Variants in ARHGEF7 observed in about 807,000 individuals in gnomAD.
The protein encoded by ARHGEF7 is Rho guanine nucleotide exchange factor 7, also known as PAK-interacting exchange factor beta.
ARHGEF7 carries 33 observed loss-of-function variants against 109.8 expected under a neutral mutation model. That is an observed-to-expected ratio of 0.30 (90% CI 0.23 to 0.40). The LOEUF is 0.40. Ranked by LOEUF, ARHGEF7 falls within the 10% of genes least tolerant of loss-of-function variation. The probability of loss-of-function intolerance (pLI) is 1.00; values close to 1 mark genes in which losing one functional copy is unlikely to be tolerated. For synonymous variants in ARHGEF7, 458 were observed against 424.6 expected, an observed-to-expected ratio of 1.08 and a Z score of -0.97; for missense variants, 938 against 1,098.5, an observed-to-expected ratio of 0.85 and a Z score of 2.07.
Position 111,115,615 on chromosome 13 carries a change from T to C in ARHGEF7, c.89T>C (p.Phe30Ser). 1 of 1,408,394 alleles carries C rather than the reference T, an allele frequency of 7.1e-7. No individual in the cohort carries two copies. The highest frequency in any genetic ancestry group is 2.2e-5 in the Admixed American group (1 of 44,874). 87.2% of individuals were successfully genotyped at this position (1,408,394 alleles called of 1,614,324 possible). ...PKKTISDPEG[F>S]LQASLKDGVV... ...AAAACCATCTCGGACCCGGAGGGCTTTCTGCAGGCGTCGCTGAAGGATGGG... is the reference window on the plus strand; with the variant it reads ...AAAACCATCTCGGACCCGGAGGGCTCTCTGCAGGCGTCGCTGAAGGATGGG... The change falls in exon 1 of 22, where the codon TTT (phenylalanine) becomes TCT (serine). Residue 30 changes from phenylalanine to serine, a missense_variant. Physicochemically the swap from Phe to Ser is radical, Grantham distance 155. Coordinates refer to ENST00000646102, the MANE Select transcript of ARHGEF7 (RefSeq NM_001354046.2).
rs948653971 is a variant in ARHGEF7, at chr13:111,244,087, A to T, written c.855-112A>T. 7.5e-6 allele frequency: 9 copies of T among 1,200,290 alleles called. No individual in the cohort carries two copies. In the Admixed American group the frequency reaches 9.0e-5, roughly 12 times the overall value. 74.4% of individuals were successfully genotyped at this position (1,200,290 alleles called of 1,614,324 possible). A position where few individuals can be genotyped will look rare whatever the true frequency, so the allele number is the denominator to read the frequency against. Reference sequence around the variant, plus strand: ...AAAATTTAGTGTACCAGTTTGCCTTAGACATCAGCTGTTTATTAGGTTAAG... The same window carrying T: ...AAAATTTAGTGTACCAGTTTGCCTTTGACATCAGCTGTTTATTAGGTTAAG... On this transcript the variant is annotated intron_variant, in intron 7 of 21. Transcript: ENST00000646102.
At position 111,240,690 on chromosome 13, in the gene ARHGEF7, T is replaced by C. The variant is rs111307703; in HGVS notation, c.760-3182T>C. ...ATTAAATGATGATCTTGTTTCTCTG[T>C]AGCAGTGGACAGGGAAGGGCTGATT... On this transcript the variant is annotated intron_variant, in intron 6 of 21. Coordinates refer to ENST00000646102, the MANE Select transcript of ARHGEF7 (RefSeq NM_001354046.2). 4.6e-3 allele frequency among the ~76,000 whole-genome samples: 702 copies of C among 152,366 alleles called. 6 individuals carry two copies. Among genetic ancestry groups the C allele is most frequent in the African/African-American group, 0.016 (661 of 41,572 alleles).
intron 2 of ARHGEF7, among the ~76,000 whole-genome samples, chr13:111,201,805 C>T (rs1300209052): frequency 1.3e-5 from 2 of 152,150 alleles, no homozygotes; most frequent in Admixed American, 6.5e-5. Context: ...TCCAGCACCG[C>T]CGTGTCCTTC....
At chr13:111,261,764 T>C (rs1246048340) in intron 8 of ARHGEF7, among the ~76,000 whole-genome samples, 1 of 152,320 alleles carries the variant, frequency 6.6e-6, no homozygotes, top group East Asian at 1.9e-4. Context: ...TATAATTTTA[T>C]CAAGATTCTT....
At chr13:111,219,486 CT>C (rs1001385174) in intron 5 of ARHGEF7, among the ~76,000 whole-genome samples, 2 of 152,148 alleles carry the variant, frequency 1.3e-5, no homozygotes, top group African/African-American at 4.8e-5. Context: ...CTTTTCAGTT[CT>C]TTTCTGTATA....
chr13:111,209,879 G>T lies in ARHGEF7; in HGVS notation c.345G>T (p.Gly115=). The change falls in exon 4 of 22, where the codon GGG becomes GGT. Residue 115 remains glycine (G), a synonymous_variant. Transcript: ENST00000646102. ...VTLNKVTADI[G]LGSDSVCARP... ...TGTGCATGCTCTTTGCAGACATCGG[G>T]CTGGGGAGTGACTCCGTGTGTGCCC... is the stretch of plus-strand genomic sequence containing the variant. The T allele has an allele frequency of 6.2e-7, 1 of 1,614,128 alleles. No homozygotes were observed. The highest frequency in any genetic ancestry group is 1.7e-4 in the Middle Eastern group (1 of 6,060).
intron 9 of ARHGEF7, among the ~76,000 whole-genome samples, chr13:111,268,561 T>TGTTGA (rs1290024035): frequency 6.6e-6 from 1 of 152,038 alleles, no homozygotes; most frequent in Non-Finnish European, 1.5e-5. Flanking sequence ...AGTGAACAGG[T>TGTTGA]GTTGGTTGCC....
rs142493344 is a variant in ARHGEF7, at chr13:111,257,834, C to T, written c.951-9714C>T. 5.4e-4 allele frequency among the ~76,000 whole-genome samples: 83 copies of T among 152,334 alleles called. 1 individual carries two copies. Among genetic ancestry groups the T allele is most frequent in the African/African-American group, 2.0e-3 (82 of 41,576 alleles). ...ATTGGAACTCAGTGCTGCCCTGTCA[C>T]AGTGGAAAGCAACATTGGGCACAGA... On this transcript the variant is annotated intron_variant, in intron 8 of 21. Coordinates refer to ENST00000646102, the MANE Select transcript of ARHGEF7 (RefSeq NM_001354046.2).
intron 2 of ARHGEF7, among the ~76,000 whole-genome samples, chr13:111,169,217 A>G (rs1457426976): frequency 1.3e-5 from 2 of 152,222 alleles, no homozygotes; most frequent in Non-Finnish European, 2.9e-5. Context: ...AGAGAATTGC[A>G]GAGGTCGTTA....
In ARHGEF7 at chr13:111,300,974, G is replaced by A. The variant is rs890577687; in HGVS notation, c.2411+127G>A. On this transcript the variant is annotated intron_variant, in intron 20 of 21. Coordinates refer to ENST00000646102, the MANE Select transcript of ARHGEF7 (RefSeq NM_001354046.2). ...TCACTTTTTTTTTTTTTGAGACGGA[G>A]TGTCACTCTTGTCACCCAGGCTGGA... 5.6e-6 allele frequency: 3 copies of A among 536,726 alleles called. No individual in the cohort carries two copies. In the South Asian group the frequency reaches 8.1e-5, roughly 15 times the overall value. The allele number at this position is 536,726 out of a possible 1,614,324, so 33.2% of individuals were successfully genotyped here.
chr13:111,215,218 G>T (rs1350954656), intron 4 of ARHGEF7, among the ~76,000 whole-genome samples: 1 of 152,150 alleles, frequency 6.6e-6, no homozygotes, highest in Non-Finnish European at 1.5e-5. Context: ...CTGAGTGCTG[G>T]TTCTTAAGGA....
In ARHGEF7 at chr13:111,303,101, G is replaced by A. The variant is rs145326311; in HGVS notation, c.2577G>A (p.Glu859=). 32 of 1,607,844 alleles carry A rather than the reference G, an allele frequency of 2.0e-5. No homozygotes were observed. The African/African-American group carries it at 3.7e-4, about 19-fold the overall frequency. Residue 859 remains glutamate, a synonymous_variant, in exon 22 of 22, where the codon GAG becomes GAA. Transcript: ENST00000646102. ...ACATGAATGATCCTGCCTGGGATGAGACCAATCTATAAGGGATGTCCTCAG... is the reference window on the plus strand; with the variant it reads ...ACATGAATGATCCTGCCTGGGATGAAACCAATCTATAAGGGATGTCCTCAG... ...LKNMNDPAWD[E]TNL is the part of the protein sequence containing the mutation.
At chr13:111,227,966 A>G (rs2085443045) in intron 5 of ARHGEF7, among the ~76,000 whole-genome samples, 1 of 152,234 alleles carries the variant, frequency 6.6e-6, no homozygotes, top group Non-Finnish European at 1.5e-5. Context: ...CTAAAGCCAC[A>G]CCCAGCATCC....
chr13:111,118,061 G>A (rs1423194007), intron 1 of ARHGEF7, among the ~76,000 whole-genome samples: 1 of 152,270 alleles, frequency 6.6e-6, no homozygotes, highest in Non-Finnish European at 1.5e-5. Context: ...GGAGTGCCCT[G>A]ACAGCCAGTG....
chr13:111,264,831 C>A (rs943689040), intron 8 of ARHGEF7, among the ~76,000 whole-genome samples: 1 of 152,198 alleles, frequency 6.6e-6, no homozygotes, highest in Non-Finnish European at 1.5e-5. Flanking sequence ...CTATATTTTA[C>A]ATTTCTATTG....
chr13:111,212,543 G>A (rs553661386), intron 4 of ARHGEF7, among the ~76,000 whole-genome samples: 1 of 152,180 alleles, frequency 6.6e-6, no homozygotes, highest in Non-Finnish European at 1.5e-5. Context: ...GTTTGGGGAT[G>A]GCGTTTGTGA....
At chr13:111,119,032 C>T (rs1283702879) in intron 1 of ARHGEF7, among the ~76,000 whole-genome samples, 1 of 152,180 alleles carries the variant, frequency 6.6e-6, no homozygotes, top group African/African-American at 2.4e-5. Flanking sequence ...ATTAAGGTAC[C>T]TGCAGGGCCT....
chr13:111,158,253 G>A (rs555115135), intron 2 of ARHGEF7, among the ~76,000 whole-genome samples: 2 of 152,270 alleles, frequency 1.3e-5, no homozygotes, highest in East Asian at 3.9e-4. Context: ...AATTGACTGT[G>A]GGCTCACATA....
At chr13:111,163,479 C>T (rs975542463) in intron 2 of ARHGEF7, among the ~76,000 whole-genome samples, 2 of 152,104 alleles carry the variant, frequency 1.3e-5, no homozygotes, top group East Asian at 1.9e-4. Context: ...TACTGGGAGC[C>T]ACAGATGCGA....
Sources: allele counts gnomAD v4.1 joint callset (sites outside exome capture counted in the v4.1 genomes callset), GRCh38; gene constraint gnomAD v4.1.1; transcripts MANE v1.5; gene names NCBI Gene and HGNC (gene_info 2026-07-23, HGNC 2026-07-21).